Variants in MAP4 observed in about 807,000 individuals in gnomAD.
The protein encoded by MAP4 is microtubule-associated protein 4.
A neutral mutation model predicts 170.2 loss-of-function variants in MAP4; 76 were observed. The ratio of observed to expected loss-of-function variants is 0.45; its 90% CI spans 0.37 to 0.54. The LOEUF (loss-of-function observed/expected upper bound fraction) is 0.54, where lower values mean the gene tolerates loss of function less well. Among genes scored for constraint, MAP4 ranks in the 20% least tolerant of loss-of-function variants. The pLI is 0.00. For missense variants in MAP4, 2,506 were observed against 2,748.0 expected (o/e 0.91, Z 1.97); for synonymous variants, 909 against 994.5 (o/e 0.91, Z 1.62).
In MAP4 at chr3:47,869,222, C is replaced by G; in HGVS notation, c.6400G>C (p.Ala2134Pro). ...GTCTAAATAAAACTCACTTTCCCCGCAGGTTGTTTCTGTGCACTTGCAATT... is the reference window on the plus strand; with the variant it reads ...GTCTAAATAAAACTCACTTTCCCCGGAGGTTGTTTCTGTGCACTTGCAATT... ...GPIASAQKQPAGKVQIVSKKV... is the reference protein window; with the variant it reads ...GPIASAQKQPPGKVQIVSKKV... The change falls in exon 16 of 21, where the codon GCG (alanine) becomes CCG (proline). Residue 2134 changes from alanine to proline, a missense_variant. Around this residue, in one of 3 missense-constraint regions of MAP4, gnomAD observed 487 missense variants for 511.6 expected, o/e 0.95. Transcript: ENST00000683076. 6.2e-7 allele frequency: 1 copy of G among 1,611,318 alleles called. No homozygotes were observed. The highest frequency in any genetic ancestry group is 1.1e-5 in the South Asian group (1 of 91,014).
intron 1 of MAP4, among the ~76,000 whole-genome samples, chr3:48,075,524 CA>C (rs200716612): frequency 6.7e-6 from 1 of 149,400 alleles, no homozygotes; most frequent in Non-Finnish European, 1.5e-5. Flanking sequence ...AAGACTGTCT[CA>C]AAAAAAAAGA....
At chr3:47,958,087 A>C (rs544590334) in intron 3 of MAP4, among the ~76,000 whole-genome samples, 57 of 152,334 alleles carry the variant, frequency 3.7e-4, no homozygotes, top group African/African-American at 1.3e-3. Flanking sequence ...CTGAACCAAC[A>C]GGCTGAACCT....
chr3:47,903,457 T>C (rs549164072), intron 9 of MAP4, among the ~76,000 whole-genome samples: 1 of 146,388 alleles, frequency 6.8e-6, no homozygotes, highest in East Asian at 2.0e-4. Flanking sequence ...GGCGTGAACC[T>C]GGGAGGCAGA....
intron 10 of MAP4, chr3:47,877,727 C>G (rs538508136): frequency 4.6e-6 from 2 of 437,540 alleles, no homozygotes; most frequent in South Asian, 7.7e-5. Flanking sequence ...ATTCAGAGAG[C>G]CTGACCCTGT....
chr3:47,860,189 C>G (rs1041690854), intron 17 of MAP4, among the ~76,000 whole-genome samples: 1 of 152,196 alleles, frequency 6.6e-6, no homozygotes, highest in Non-Finnish European at 1.5e-5. Context: ...GGGCCCTCAC[C>G]AAGATGTAGA....
intron 3 of MAP4, among the ~76,000 whole-genome samples, chr3:47,970,082 C>T (rs778709633): frequency 1.5e-4 from 23 of 152,182 alleles, no homozygotes; most frequent in Non-Finnish European, 2.9e-4. Flanking sequence ...TTCCCAGTAT[C>T]CCACTCTTGT....
At chr3:47,953,671 T>C (rs558996175) in intron 3 of MAP4, among the ~76,000 whole-genome samples, 4 of 152,282 alleles carry the variant, frequency 2.6e-5, no homozygotes, top group South Asian at 2.1e-4. Flanking sequence ...GTGTAACCTA[T>C]GTTGCAAAAA....
intron 1 of MAP4, among the ~76,000 whole-genome samples, chr3:48,061,134 C>T (rs142474344): frequency 0.011 from 1,627 of 152,054 alleles, 28 homozygotes; most frequent in African/African-American, 0.037. Flanking sequence ...CGTGAGCCAC[C>T]GCGCCTGGAC....
At chr3:48,065,652 G>A (rs533924211) in intron 1 of MAP4, among the ~76,000 whole-genome samples, 5 of 152,318 alleles carry the variant, frequency 3.3e-5, no homozygotes, top group African/African-American at 4.8e-5. Context: ...TCATAGCCAC[G>A]AGGAATCCCT....
rs748027117 is a variant in MAP4 at position 47,909,040 on chromosome 3, G to A, written c.5381C>T (p.Ala1794Val). 1 of 1,612,206 alleles carries A rather than the reference G, an allele frequency of 6.2e-7. No individual in the cohort carries two copies. The highest frequency in any genetic ancestry group is 1.3e-5 in the African/African-American group (1 of 74,902). ...ATTTCCCCATGGCAGGTTCATACCA[G>A]CGGACTTCAGTTGCTTATGTCTCTC... Reference protein sequence around the residue: ...EQERHKQLKSAVCLSSSTVYQ... With the variant: ...EQERHKQLKSVVCLSSSTVYQ... Residue 1794 changes from alanine (A) to valine (V), a missense_variant and splice_region_variant, in exon 9 of 21, where the codon GCT becomes GTT. This residue lies in a region of MAP4 where 2,008 missense variants were observed against 2,206.0 expected (regional missense o/e 0.91). Coordinates refer to ENST00000683076, the MANE Select transcript of MAP4 (RefSeq NM_001385682.1).
intron 1 of MAP4, among the ~76,000 whole-genome samples, chr3:48,002,015 T>G (rs1417181729): frequency 6.6e-6 from 1 of 152,102 alleles, no homozygotes; most frequent in African/African-American, 2.4e-5. Context: ...TTTGATGAAG[T>G]TCATTTAGGT....
chr3:48,045,414 C>T (rs1228177022), intron 1 of MAP4, among the ~76,000 whole-genome samples: 1 of 152,098 alleles, frequency 6.6e-6, no homozygotes, highest in Non-Finnish European at 1.5e-5. Flanking sequence ...TCACATCAGT[C>T]GTGGCATTAG....
Position 47,910,055 on chromosome 3 carries a change from A to G in MAP4, c.4366T>C (p.Ser1456Pro), listed in dbSNP as rs778978831. The change falls in exon 9 of 21, where the codon TCC becomes CCC. Residue 1456 changes from serine to proline, a missense_variant. By Grantham distance (74) the Ser-to-Pro change is moderately conservative (BLOSUM62 -1). Transcript: ENST00000683076. The stretch of plus-strand genomic sequence containing the variant: ...TTTTTTGCCAAGGTATCTGGAAAGG[A>G]ATCACCTTCCTTTACTACTTGAGGA... ...PTPQVVKEGD[S>P]FPDTLAKNGQ... The G allele has an allele frequency of 4.3e-6, 7 of 1,613,956 alleles. No homozygotes were observed. The highest frequency in any genetic ancestry group is 1.1e-5 in the South Asian group (1 of 91,068).
intron 3 of MAP4, among the ~76,000 whole-genome samples, chr3:47,976,585 G>A (rs1447626195): frequency 6.6e-6 from 1 of 152,154 alleles, no homozygotes; most frequent in Non-Finnish European, 1.5e-5. Context: ...TTGCATAAAT[G>A]TTTTCTTAAA....
At chr3:47,925,878 CAG>C (rs1287011917) in intron 4 of MAP4, among the ~76,000 whole-genome samples, 1 of 152,088 alleles carries the variant, frequency 6.6e-6, no homozygotes, top group Non-Finnish European at 1.5e-5. Flanking sequence ...TTTTTGGAGA[CAG>C]AGTTTCGCTC....
chr3:47,904,641 T>C (rs1013899041), intron 9 of MAP4, among the ~76,000 whole-genome samples: 3 of 149,770 alleles, frequency 2.0e-5, no homozygotes, highest in Non-Finnish European at 4.4e-5. Context: ...TAATATCTTT[T>C]TTTTTTTTGG....
chr3:48,047,469 G>A (rs889058420), intron 1 of MAP4, among the ~76,000 whole-genome samples: 2 of 152,134 alleles, frequency 1.3e-5, no homozygotes, highest in Non-Finnish European at 2.9e-5. Flanking sequence ...GGGGTGGGGA[G>A]GAAGCCATGG....
At chr3:47,936,597 GA>G (rs1174478587) in intron 3 of MAP4, among the ~76,000 whole-genome samples, 3 of 151,808 alleles carry the variant, frequency 2.0e-5, no homozygotes, top group Non-Finnish European at 4.4e-5. Context: ...TAACATTGAG[GA>G]AATCTCTAAA....
At chr3:48,067,769 A>T (rs558768218) in intron 1 of MAP4, among the ~76,000 whole-genome samples, 2 of 151,580 alleles carry the variant, frequency 1.3e-5, no homozygotes, top group East Asian at 3.9e-4. Flanking sequence ...CCTCCCGAGT[A>T]GCTGGGATTA....
Sources: gnomAD v4.1 joint callset for allele counts (sites outside exome capture counted in the v4.1 genomes callset) on GRCh38, gnomAD v4.1.1 for gene constraint, gnomAD v4.1.1 regional missense constraint, MANE v1.5 for transcripts, NCBI Gene and HGNC (gene_info 2026-07-23, HGNC 2026-07-21) for gene names.